DSC3: variants seen among roughly 807,000 people sequenced by gnomAD.
The protein encoded by DSC3 is desmocollin 3, also known as desmocollin-3.
DSC3 carries 97 observed loss-of-function variants against 89.5 expected under a neutral mutation model. The ratio of observed to expected loss-of-function variants is 1.08; its 90% CI spans 0.92 to 1.28. DSC3 has a LOEUF of 1.28. Among genes scored for constraint, DSC3 ranks in the 50% most tolerant of loss-of-function variants. DSC3 has a pLI of 0.00. For synonymous variants in DSC3, 436 were observed against 384.1 expected (o/e 1.14, Z -1.58); for missense variants, 1,199 against 1,085.3 (o/e 1.10, Z -1.47).
At position 31,025,925 on chromosome 18, in the gene DSC3, GA is replaced by G. The variant is rs200408287; in HGVS notation, c.475-11del. 0.014 allele frequency: 23,113 copies of G among 1,604,380 alleles called. 200 individuals are homozygous for G. The highest frequency in any genetic ancestry group is 0.017 in the Non-Finnish European group (20,073 of 1,175,798). ...CTGCATCAGATTCAACCTAAAAGTA[GA>G]AAAAAAATATGCAAAAAAATTAAAA... On this transcript the variant is annotated splice_polypyrimidine_tract_variant and intron_variant, in intron 4 of 15. Coordinates refer to ENST00000360428, the MANE Select transcript of DSC3 (RefSeq NM_001941.5).
At chr18:31,016,171 T>A (rs1985229691) in intron 9 of DSC3, among the ~76,000 whole-genome samples, 1 of 152,134 alleles carries the variant, frequency 6.6e-6, no homozygotes. Flanking sequence ...ACCCACCCCT[T>A]ATTTAGCATA....
chr18:30,998,160 GA>G (rs1984540225), intron 14 of DSC3, among the ~76,000 whole-genome samples: 1 of 152,176 alleles, frequency 6.6e-6, no homozygotes, highest in Admixed American at 6.5e-5. Flanking sequence ...ATGGAGATCA[GA>G]TGGGGGTCAC....
chr18:31,022,532 A>G lies in DSC3; in HGVS notation c.776-30T>C, dbSNP rs768619786. Reference sequence around the variant, plus strand: ...ACATTAAAAAATAAAACAGCCTTTAATTTACAGAATTGTTAAATATACTTT... The same window carrying G: ...ACATTAAAAAATAAAACAGCCTTTAGTTTACAGAATTGTTAAATATACTTT... On this transcript the variant is annotated intron_variant, in intron 6 of 15. Transcript: ENST00000360428. 5.6e-6 allele frequency: 9 copies of G among 1,612,162 alleles called. No individual in the cohort carries two copies. In the South Asian group the frequency reaches 9.9e-5, roughly 18 times the overall value.
intron 11 of DSC3, among the ~76,000 whole-genome samples, 154 bp from the exon 12 acceptor site, chr18:31,007,285 T>C (rs541086538): frequency 2.8e-4 from 43 of 152,168 alleles, no homozygotes; most frequent in Middle Eastern, 3.2e-3. Flanking sequence ...GACAGATAAA[T>C]AGAATCTGCA....
rs1226272192 is a variant in DSC3, at chr18:31,007,005, A to G, written c.1790T>C (p.Val597Ala). Residue 597 changes from valine to alanine, a missense_variant, in exon 12 of 16, where the codon GTT becomes GCT. Physicochemically the swap from Val to Ala is moderately conservative, Grantham distance 64 (BLOSUM62 0). Coordinates refer to ENST00000360428, the MANE Select transcript of DSC3 (RefSeq NM_001941.5). Reference protein sequence around the residue: ...PKMGYTDILAVDPDEPVHGAP... With the variant: ...PKMGYTDILAADPDEPVHGAP... ...TCCATGGACAGGTTCATCAGGATCA[A>G]CAGCTAAAATGTCGGTATACCCCAT... The G allele has an allele frequency of 6.2e-7, 1 of 1,614,042 alleles. No homozygotes were observed. Among genetic ancestry groups the G allele is most frequent in the Non-Finnish European group, 8.5e-7 (1 of 1,179,956 alleles).
Position 31,025,896 on chromosome 18 carries a change from T to C in DSC3, c.494A>G (p.Gln165Arg), listed in dbSNP as rs1399361207. 6.2e-7 allele frequency: 1 copy of C among 1,612,528 alleles called. No individual in the cohort carries two copies. Among genetic ancestry groups the C allele is most frequent in the Non-Finnish European group, 8.5e-7 (1 of 1,179,186 alleles). ...FLQQVESDAA[Q>R]NYTVFYSISG... ...TATTGAGTAGAAGACAGTATAGTTC[T>C]GTGCTGCATCAGATTCAACCTAAAA... Residue 165 changes from glutamine (Q) to arginine (R), a missense_variant, in exon 5 of 16, where the codon CAG (glutamine) becomes CGG (arginine). Transcript: ENST00000360428.
intron 14 of DSC3, 30 bp downstream of exon 14, chr18:31,001,588 C>T (rs186776125): frequency 1.2e-6 from 2 of 1,603,704 alleles, no homozygotes; most frequent in African/African-American, 2.7e-5. Flanking sequence ...ATCGGAGATA[C>T]AAATACATAT....
chr18:31,028,790 AT>A (rs1224192316), intron 4 of DSC3, among the ~76,000 whole-genome samples: 1 of 152,110 alleles, frequency 6.6e-6, no homozygotes, highest in Non-Finnish European at 1.5e-5. Context: ...CTGCTTAAGA[AT>A]TTCTCCTTAT....
chr18:31,032,403 T>C (rs994411443), intron 1 of DSC3, 127 bp from the exon 2 acceptor site: 58 of 730,146 alleles, frequency 7.9e-5, no homozygotes, highest in Non-Finnish European at 1.2e-4. Context: ...CCCAGCAAAC[T>C]AGGAATAGAA....
chr18:31,008,185 A>G, intron 10 of DSC3, 27 bp from the exon 11 acceptor site: 3 of 1,607,198 alleles, frequency 1.9e-6, no homozygotes, highest in Non-Finnish European at 1.7e-6. Flanking sequence ...AATAGTCTTT[A>G]GCATCAGAAA....
intron 1 of DSC3, 43 bp downstream of exon 1, chr18:31,042,548 AC>A: frequency 6.5e-7 from 1 of 1,534,420 alleles, no homozygotes; most frequent in Non-Finnish European, 8.8e-7. Context: ...GGGCGGATCC[AC>A]CCCCGTCCCC....
chr18:31,011,753 G>T (rs1985066928), intron 9 of DSC3, among the ~76,000 whole-genome samples: 1 of 151,608 alleles, frequency 6.6e-6, no homozygotes, highest in East Asian at 1.9e-4. Context: ...AGCACTTTGG[G>T]AGGCCAAGGC....
rs1309923789 is a variant in DSC3, at chr18:31,001,652, A to T, written c.2201T>A (p.Ile734Lys). 1.9e-6 allele frequency: 3 copies of T among 1,611,366 alleles called. No individual in the cohort carries two copies. The African/African-American group carries it at 4.0e-5, about 22-fold the overall frequency. Reference sequence around the variant, plus strand: ...GTCTCCAGGTGCTTCTGTGTTTGATATAATTAAGTTTTGCTGTGCTAAATC... The same window carrying T: ...GTCTCCAGGTGCTTCTGTGTTTGATTTAATTAAGTTTTGCTGTGCTAAATC... ...PEDLAQQNLI[I>K]SNTEAPGDDR... Residue 734 changes from isoleucine to lysine, a missense_variant, in exon 14 of 16, where the codon ATA becomes AAA. Physicochemically the swap from Ile to Lys is moderately radical, Grantham distance 102. Coordinates refer to ENST00000360428, the MANE Select transcript of DSC3 (RefSeq NM_001941.5).
intron 9 of DSC3, among the ~76,000 whole-genome samples, chr18:31,017,039 C>G (rs1048282564): frequency 2.6e-5 from 4 of 152,142 alleles, no homozygotes; most frequent in Admixed American, 6.6e-5. Flanking sequence ...AAAACAAAAG[C>G]AGTCAGTGGT....
At chr18:30,996,505 A>T (rs551956449) in intron 15 of DSC3, among the ~76,000 whole-genome samples, 9 of 152,182 alleles carry the variant, frequency 5.9e-5, no homozygotes, top group Non-Finnish European at 1.3e-4. Context: ...CTTCTATATC[A>T]AAAGGGTTCA....
chr18:31,023,531 G>C (rs1484595659), intron 6 of DSC3, among the ~76,000 whole-genome samples: 2 of 152,004 alleles, frequency 1.3e-5, no homozygotes, highest in African/African-American at 2.4e-5. Flanking sequence ...TGTACCACGT[G>C]AGTAATAAAG....
At chr18:31,030,219 T>G (rs978911733) in intron 3 of DSC3, among the ~76,000 whole-genome samples, 1 of 152,206 alleles carries the variant, frequency 6.6e-6, no homozygotes, top group Non-Finnish European at 1.5e-5. Context: ...TATCAAACAG[T>G]GCAGATAGTG....
intron 11 of DSC3, among the ~76,000 whole-genome samples, chr18:31,007,771 C>A (rs1984903488): frequency 2.0e-5 from 3 of 151,982 alleles, no homozygotes; most frequent in Non-Finnish European, 4.4e-5. Context: ...TTATTTTTGT[C>A]CTCTAGCATA....
At chr18:30,996,337 T>C (rs1984464945) in intron 15 of DSC3, among the ~76,000 whole-genome samples, 2 of 152,164 alleles carry the variant, frequency 1.3e-5, no homozygotes, top group African/African-American at 4.8e-5. Flanking sequence ...ACATATACAA[T>C]TAAATTTTGT....
Sources: allele counts gnomAD v4.1 joint callset (sites outside exome capture counted in the v4.1 genomes callset), GRCh38; gene constraint gnomAD v4.1.1; transcripts MANE v1.5; gene names NCBI Gene and HGNC (gene_info 2026-07-23, HGNC 2026-07-21).